Variants in VPS33A observed in about 807,000 individuals in gnomAD.
The protein encoded by VPS33A is VPS33A core subunit of CORVET and HOPS complexes.
A neutral mutation model predicts 71.8 loss-of-function variants in VPS33A; 32 were observed. That is an observed-to-expected ratio of 0.45 (90% CI 0.34 to 0.60). The LOEUF is 0.60. VPS33A is among the 20% of genes least tolerant of loss of function. The pLI, the probability that VPS33A is intolerant of heterozygous loss-of-function variation, is 0.02. For missense variants in VPS33A, 625 were observed against 748.5 expected, an observed-to-expected ratio of 0.84 and a Z score of 1.92; for synonymous variants, 311 against 292.7, an observed-to-expected ratio of 1.06 and a Z score of -0.64.
chr12:122,265,698 G>A (rs1341976464), intron 1 of VPS33A: 2 of 454,012 alleles, frequency 4.4e-6, no homozygotes, highest in Non-Finnish European at 8.9e-6. Context: ...CAGTTGTACT[G>A]TCAGTAACTT....
chr12:122,241,456 C>G (rs1422627486), intron 8 of VPS33A, among the ~76,000 whole-genome samples: 1 of 152,050 alleles, frequency 6.6e-6, no homozygotes, highest in Admixed American at 6.6e-5. Context: ...AGGTGCCCGC[C>G]ACCACACCTG....
In VPS33A at chr12:122,239,885, G is replaced by T. The variant is rs950749293; in HGVS notation, c.1157C>A (p.Thr386Asn). The T allele has an allele frequency of 1.2e-6, 2 of 1,610,918 alleles. No homozygotes were observed. Among genetic ancestry groups the T allele is most frequent in the South Asian group, 2.2e-5 (2 of 91,000 alleles). ...VEQEFMSGID[T>N]DKVNNYIEDC... ...GTTTTTTTGTCCACATACCTTATCA[G>T]TGTCTATTCCAGACATAAACTCCTG... The change falls in exon 9 of 13, where the codon ACT becomes AAT. Residue 386 changes from threonine (T) to asparagine (N), a missense_variant. Thr to Asn is a moderately conservative substitution (Grantham distance 65). Transcript: ENST00000267199.
intron 5 of VPS33A, 124 bp from the exon 6 acceptor site, chr12:122,250,169 TAGAA>T (rs2136137922): frequency 6.6e-6 from 7 of 1,062,458 alleles, no homozygotes; most frequent in Non-Finnish European, 7.9e-6. Context: ...GTGCATTGCT[TAGAA>T]ATAAGCAGCT....
rs935128460 is a variant in VPS33A, at chr12:122,261,329, C to T, written c.415G>A (p.Glu139Lys). The T allele has an allele frequency of 6.2e-7, 1 of 1,613,950 alleles. No individual in the cohort carries two copies. The highest frequency in any genetic ancestry group is 8.5e-7 in the Non-Finnish European group (1 of 1,179,994). ...GVLGSFIHREEYSLDLIPFDG... is the reference protein window; with the variant it reads ...GVLGSFIHREKYSLDLIPFDG... ...AATGGAATGAGATCTAAGCTGTACT[C>T]CTCCCTGTGAATAAAGGATCCCAAG... Residue 139 changes from glutamate (E) to lysine (K), a missense_variant, in exon 4 of 13, where the codon GAG becomes AAG. Transcript: ENST00000267199.
intron 4 of VPS33A, among the ~76,000 whole-genome samples, chr12:122,251,519 G>A (rs962568529): frequency 1.3e-5 from 2 of 152,164 alleles, no homozygotes; most frequent in African/African-American, 4.8e-5. Flanking sequence ...AAAGACCACA[G>A]GACGAATACT....
rs780600917 is a variant in VPS33A at position 122,266,426 on chromosome 12, T to C, written c.-18A>G. 1.1e-5 allele frequency: 17 copies of C among 1,603,240 alleles called. No homozygotes were observed. The East Asian group carries it at 1.1e-4, about 11-fold the overall frequency. On this transcript the variant is annotated 5_prime_UTR_variant, in exon 1 of 13. Coordinates refer to ENST00000267199, the MANE Select transcript of VPS33A (RefSeq NM_022916.6). ...GCCGCCATCTTGCTCCACCACCCCC[T>C]GCCCCACAACGCCAACCGAGTCCGC... is the stretch of plus-strand genomic sequence containing the variant.
Position 122,266,015 on chromosome 12 carries a change from C to T in VPS33A, c.102+292G>A, listed in dbSNP as rs1272427738. On this transcript the variant is annotated intron_variant, in intron 1 of 12. Transcript: ENST00000267199. ...CTCACCCGTCCGGTGCCTCGGCAGG[C>T]AGCGGAGGAAACACCTGACGTAAAC... Among the ~76,000 whole-genome samples, 5 of 152,364 alleles carry T rather than the reference C, an allele frequency of 3.3e-5. No homozygotes were observed. The East Asian group carries it at 9.6e-4, about 29-fold the overall frequency.
Position 122,238,766 on chromosome 12 carries a change from T to TACACAC in VPS33A, c.1165-43_1165-42insGTGTGT, listed in dbSNP as rs745624372. On this transcript the variant is annotated intron_variant, in intron 9 of 12. Coordinates refer to ENST00000267199, the MANE Select transcript of VPS33A (RefSeq NM_022916.6). ...ATACATATACATATACATTTACATA[T>TACACAC]ACATACACACACACACACACACACA... The TACACAC allele has an allele frequency of 6.6e-5, 90 of 1,354,058 alleles. No homozygotes were observed. In the East Asian group the frequency reaches 1.4e-3, roughly 21 times the overall value. The allele number at this position is 1,354,058 out of a possible 1,614,324, so 83.9% of individuals were successfully genotyped here.
intron 11 of VPS33A, among the ~76,000 whole-genome samples, 163 bp downstream of exon 11, chr12:122,235,623 T>C (rs1954619682): frequency 6.6e-6 from 1 of 152,208 alleles, no homozygotes; most frequent in African/African-American, 2.4e-5. Context: ...TGTGTCCTTC[T>C]AGGATTCTGA....
chr12:122,241,179 C>T (rs532280407), intron 8 of VPS33A: 1 of 151,708 alleles, frequency 6.6e-6, no homozygotes, highest in African/African-American at 2.4e-5. Flanking sequence ...AAAAATTAAC[C>T]ATCTCAGATT....
intron 4 of VPS33A, among the ~76,000 whole-genome samples, chr12:122,257,685 AT>A (rs962731534): frequency 1.3e-5 from 2 of 151,870 alleles, no homozygotes; most frequent in African/African-American, 4.8e-5. Flanking sequence ...AAAAAAAAAG[AT>A]TTTCTTCTTT....
rs1363819994 is a variant in VPS33A, at chr12:122,230,260, TTAA to T, written c.*1983_*1985del. The T allele has an allele frequency of 6.6e-6, 1 of 152,216 alleles. No individual in the cohort carries two copies. The highest frequency in any genetic ancestry group is 2.1e-4 in the South Asian group (1 of 4,830). The allele number at this position is 152,216 out of a possible 1,614,324, so 9.4% of individuals were successfully genotyped here. A position where few individuals can be genotyped will look rare whatever the true frequency, so the allele number is the denominator to read the frequency against. On this transcript the variant is annotated 3_prime_UTR_variant, in exon 13 of 13. Transcript: ENST00000267199. ...AAAAGTATACAGAATTTCTCTTTCA[TTAA>T]TAATATTTACCGTGCCCATCAGAAC...
intron 6 of VPS33A, among the ~76,000 whole-genome samples, chr12:122,247,598 G>A (rs779148382): frequency 3.3e-5 from 5 of 152,012 alleles, no homozygotes; most frequent in Non-Finnish European, 7.4e-5. Context: ...CTCTCTCTCC[G>A]TCACCCACGT....
At chr12:122,237,137 T>C (rs1954639119) in intron 10 of VPS33A, among the ~76,000 whole-genome samples, 1 of 152,192 alleles carries the variant, frequency 6.6e-6, no homozygotes, top group Non-Finnish European at 1.5e-5. Context: ...AAATACTACC[T>C]GAGTCATTTT....
chr12:122,238,780 C>T (rs1954666835), intron 9 of VPS33A, 56 bp from the exon 10 acceptor site: 10 of 1,092,138 alleles, frequency 9.2e-6, no homozygotes, highest in East Asian at 2.6e-5. Context: ...TACACACACA[C>T]ACACACACAC....
intron 4 of VPS33A, among the ~76,000 whole-genome samples, chr12:122,258,614 C>T (rs925270891): frequency 6.6e-6 from 1 of 152,034 alleles, no homozygotes; most frequent in Non-Finnish European, 1.5e-5. Flanking sequence ...TGATCAACAT[C>T]CTTAGTCATT....
At chr12:122,241,354 G>A (rs1038862284) in intron 8 of VPS33A, among the ~76,000 whole-genome samples, 4 of 151,880 alleles carry the variant, frequency 2.6e-5, no homozygotes, top group Non-Finnish European at 5.9e-5. Flanking sequence ...CGCCCAGGCC[G>A]GAGTGCAGTG....
At chr12:122,250,169 T>TATTTCTA in intron 5 of VPS33A, 124 bp from the exon 6 acceptor site, 2 of 1,062,500 alleles carry the variant, frequency 1.9e-6, no homozygotes, top group Non-Finnish European at 2.6e-6. Flanking sequence ...GTGCATTGCT[T>TATTTCTA]AGAAATAAGC....
chr12:122,239,423 A>G (rs1433766777), intron 9 of VPS33A, among the ~76,000 whole-genome samples: 2 of 152,258 alleles, frequency 1.3e-5, no homozygotes, highest in South Asian at 2.1e-4. Flanking sequence ...ACACTTGCAC[A>G]TTTTGCATTT....
Sources: gnomAD v4.1 joint callset for allele counts (sites outside exome capture counted in the v4.1 genomes callset) on GRCh38, gnomAD v4.1.1 for gene constraint, MANE v1.5 for transcripts, NCBI Gene and HGNC (gene_info 2026-07-23, HGNC 2026-07-21) for gene names.